The following KALRN variants were observed in gnomAD, a reference collection of about 807,000 sequenced individuals.
The protein encoded by KALRN is kalirin.
Under a neutral mutation model 353.7 loss-of-function variants are expected in KALRN, and 70 were observed. That is an observed-to-expected ratio of 0.20 (90% CI 0.16 to 0.24). The LOEUF (loss-of-function observed/expected upper bound fraction) is 0.24, where lower values mean the gene tolerates loss of function less well. Ranked by LOEUF, KALRN falls within the 10% of genes least tolerant of loss-of-function variation. The pLI is 1.00. For missense variants in KALRN, 2,791 were observed against 3,756.7 expected, an observed-to-expected ratio of 0.74 and a Z score of 6.72; for synonymous variants, 1,391 against 1,434.8, an observed-to-expected ratio of 0.97 and a Z score of 0.69.
chr3:124,705,822 C>CCTTCCTT (rs1553740574), intron 57 of KALRN, among the ~76,000 whole-genome samples: 2 of 144,666 alleles, frequency 1.4e-5, no homozygotes, highest in African/African-American at 5.3e-5. Context: ...CTTCCTTCCT[C>CCTTCCTT]CCTTCCTTCC....
At chr3:124,512,684 A>T (rs59457481) in intron 33 of KALRN, among the ~76,000 whole-genome samples, 26,317 of 151,450 alleles carry the variant, frequency 0.17, 2,499 homozygotes, top group Non-Finnish European at 0.21. Context: ...TTAAAAATTT[A>T]AAAAAAAACA....
chr3:124,295,660 G>A (rs1341773095), intron 5 of KALRN, among the ~76,000 whole-genome samples: 1 of 152,160 alleles, frequency 6.6e-6, no homozygotes, highest in East Asian at 1.9e-4. Flanking sequence ...ATCCAAGAAA[G>A]TGTATGGAGT....
chr3:124,034,611 T>C (rs1462542805), intron 1 of KALRN, among the ~76,000 whole-genome samples: 1 of 151,978 alleles, frequency 6.6e-6, no homozygotes, highest in African/African-American at 2.4e-5. Flanking sequence ...GGTCCATTGC[T>C]CCTCCTGCTC....
intron 19 of KALRN, among the ~76,000 whole-genome samples, chr3:124,443,194 AACTTAAATC>A (rs1438833032): frequency 2.0e-5 from 3 of 152,218 alleles, no homozygotes; most frequent in Non-Finnish European, 1.5e-5. Context: ...GACCATGTGA[AACTTAAATC>A]ATTATCTGTG....
chr3:124,170,629 G>A (rs1446549910), intron 1 of KALRN, among the ~76,000 whole-genome samples: 1 of 152,050 alleles, frequency 6.6e-6, no homozygotes, highest in African/African-American at 2.4e-5. Context: ...ACACAGAGAA[G>A]TTGTAGATCA....
At chr3:124,222,627 G>A (rs1178503856) in intron 1 of KALRN, among the ~76,000 whole-genome samples, 1 of 152,038 alleles carries the variant, frequency 6.6e-6, no homozygotes, top group Non-Finnish European at 1.5e-5. Context: ...GTTGAGACAG[G>A]GTCTTTCTCA....
In KALRN at chr3:124,406,832, C is replaced by CTTTTTTTTT. The variant is rs10686645; in HGVS notation, c.2347-6629_2347-6621dup. ...GTGTGGCCTTAAGCAAGTTGCTTTG[C>CTTTTTTTTT]TTTTTTTTTTTTTTTTTGAGACAGG... On this transcript the variant is annotated intron_variant, in intron 13 of 59. Transcript: ENST00000682506. Among the ~76,000 whole-genome samples, 4 of 126,312 alleles carry CTTTTTTTTT rather than the reference C, an allele frequency of 3.2e-5. 1 individual carries two copies. The highest frequency in any genetic ancestry group is 4.8e-5 in the Non-Finnish European group (3 of 62,692). The allele number at this position is 126,312 out of a possible 152,430, so 82.9% of individuals were successfully genotyped here.
intron 5 of KALRN, among the ~76,000 whole-genome samples, chr3:124,283,591 T>C (rs1401192660): frequency 1.3e-5 from 2 of 152,030 alleles, no homozygotes; most frequent in African/African-American, 2.4e-5. Context: ...GGGTAATGAG[T>C]GTGTTGCCAG....
At chr3:124,311,229 G>C (rs886807297) in intron 6 of KALRN, among the ~76,000 whole-genome samples, 3 of 151,864 alleles carry the variant, frequency 2.0e-5, no homozygotes, top group Non-Finnish European at 2.9e-5. Context: ...GGAGGCCGAG[G>C]CAGGTGGATC....
At chr3:124,660,685 A>C (rs2084746370) in intron 43 of KALRN, among the ~76,000 whole-genome samples, 1 of 151,462 alleles carries the variant, frequency 6.6e-6, no homozygotes, top group South Asian at 2.1e-4. Flanking sequence ...TGTCTCAAAA[A>C]AAAAAAAAAA....
At chr3:124,501,747 CCT>C (rs1297281272) in intron 33 of KALRN, among the ~76,000 whole-genome samples, 4 of 152,128 alleles carry the variant, frequency 2.6e-5, no homozygotes, top group African/African-American at 9.7e-5. Flanking sequence ...ACGCCTAGCC[CCT>C]GTGTTGGCAT....
chr3:124,224,205 T>A (rs1032544119), intron 1 of KALRN, among the ~76,000 whole-genome samples: 15 of 151,290 alleles, frequency 9.9e-5, no homozygotes, highest in Non-Finnish European at 2.1e-4. Flanking sequence ...GTTTTTTTTT[T>A]AATGTCTTCT....
chr3:124,391,277 G>A (rs1560778806), intron 11 of KALRN, among the ~76,000 whole-genome samples: 1 of 152,100 alleles, frequency 6.6e-6, no homozygotes, highest in Non-Finnish European at 1.5e-5. Flanking sequence ...GGGTGGGTTG[G>A]TGAAGAAGGT....
At chr3:124,346,498 G>A (rs865885629) in intron 9 of KALRN, among the ~76,000 whole-genome samples, 10 of 152,122 alleles carry the variant, frequency 6.6e-5, no homozygotes, top group Non-Finnish European at 1.0e-4. Context: ...AAAGGACTTA[G>A]GATGCAAACA....
rs3054177 is a variant in KALRN at position 124,265,298 on chromosome 3, C to CTTTTTTTTTTTTTTTTTTTTTTTTTTTTT, written c.456+622_456+623insTTTTTTTTTTTTTTTTTTTTTTTTTTTTT. On this transcript the variant is annotated intron_variant, in intron 4 of 59. Transcript: ENST00000682506. Reference sequence around the variant, plus strand: ...CTAGTAACTAATTTAAGAAAATATTCTTTTTTTTTTTTTTGAGATAGAGTC... The same window carrying CTTTTTTTTTTTTTTTTTTTTTTTTTTTTT: ...CTAGTAACTAATTTAAGAAAATATTCTTTTTTTTTTTTTTTTTTTTTTTTTTTTTTTTTTTTTTTTTTTGAGATAGAGTC... Among the ~76,000 whole-genome samples the CTTTTTTTTTTTTTTTTTTTTTTTTTTTTT allele has an allele frequency of 1.6e-3, 120 of 73,088 alleles. 30 individuals are homozygous for CTTTTTTTTTTTTTTTTTTTTTTTTTTTTT. Among genetic ancestry groups the CTTTTTTTTTTTTTTTTTTTTTTTTTTTTT allele is most frequent in the African/African-American group, 2.4e-3 (45 of 18,682 alleles). 47.9% of individuals were successfully genotyped at this position (73,088 alleles called of 152,430 possible).
At chr3:124,182,501 A>C (rs1388691583) in intron 1 of KALRN, among the ~76,000 whole-genome samples, 1 of 152,214 alleles carries the variant, frequency 6.6e-6, no homozygotes, top group African/African-American at 2.4e-5. Flanking sequence ...TGTTTCATCA[A>C]AGCCAGCAAG....
chr3:124,315,355 G>A (rs1057073666), intron 6 of KALRN, among the ~76,000 whole-genome samples: 4 of 152,186 alleles, frequency 2.6e-5, no homozygotes, highest in African/African-American at 9.7e-5. Flanking sequence ...TTGCTCTAGT[G>A]CACACATGGC....
intron 1 of KALRN, among the ~76,000 whole-genome samples, chr3:124,196,668 C>T (rs996903126): frequency 1.2e-4 from 18 of 152,132 alleles, no homozygotes; most frequent in South Asian, 6.2e-4. Context: ...AAAAATAAAG[C>T]GTACACACTT....
intron 37 of KALRN, among the ~76,000 whole-genome samples, chr3:124,641,996 C>T (rs2082082791): frequency 6.6e-6 from 1 of 152,124 alleles, no homozygotes; most frequent in Non-Finnish European, 1.5e-5. Context: ...AAAGAAAGCC[C>T]CTAGGCCAAG....
Sources: gnomAD v4.1 joint callset for allele counts (sites outside exome capture counted in the v4.1 genomes callset) on GRCh38, gnomAD v4.1.1 for gene constraint, MANE v1.5 for transcripts, NCBI Gene and HGNC (gene_info 2026-07-23, HGNC 2026-07-21) for gene names.